MAP1S: variants seen among roughly 807,000 people sequenced by gnomAD.
MAP1S encodes the protein microtubule associated protein 1S, also known as microtubule-associated protein 1S.
MAP1S carries 27 observed loss-of-function variants against 60.9 expected under a neutral mutation model. That is an observed-to-expected ratio of 0.44 (90% CI 0.33 to 0.61). The LOEUF (loss-of-function observed/expected upper bound fraction) is 0.61. Ranked by LOEUF, MAP1S falls within the 20% of genes least tolerant of loss-of-function variation. MAP1S has a pLI of 0.03. For synonymous variants in MAP1S, 826 were observed against 694.2 expected (o/e 1.19, Z -2.98); for missense variants, 1,608 against 1,486.6 (o/e 1.08, Z -1.34).
rs773185891 is a variant in MAP1S at position 17,725,873 on chromosome 19, C to A, written c.489C>A (p.Pro163=). 1.2e-6 allele frequency: 2 copies of A among 1,613,488 alleles called. No individual in the cohort carries two copies. Among genetic ancestry groups the A allele is most frequent in the South Asian group, 2.2e-5 (2 of 91,066 alleles). ...CCACGCCCCCACCTGTGCAGCCGCC[C>A]ATACTCACCATCACCTGCCCCACCT... ...LATTPPPVQP[P]ILTITCPTFG... The change falls in exon 5 of 7, where the codon CCC becomes CCA. Residue 163 remains proline, a synonymous_variant. Coordinates refer to ENST00000324096, the MANE Select transcript of MAP1S (RefSeq NM_018174.6). The surrounding 1 kb of genome is among the most constrained non-coding windows in gnomAD (Gnocchi z 4.2).
In MAP1S at chr19:17,732,911, G is replaced by C. The variant is rs114097678; in HGVS notation, c.2789-282G>C. 6.8e-4 allele frequency: 302 copies of C among 441,644 alleles called. 1 individual carries two copies. Among genetic ancestry groups the C allele is most frequent in the African/African-American group, 5.6e-3 (277 of 49,504 alleles). 27.4% of individuals were successfully genotyped at this position (441,644 alleles called of 1,614,324 possible). On this transcript the variant is annotated intron_variant, in intron 5 of 6. Coordinates refer to ENST00000324096, the MANE Select transcript of MAP1S (RefSeq NM_018174.6). ...TGAGTGAAGAGTCACTGGAGTCAAG[G>C]CGTGGTGACATGCACCTGTAGTCCC...
chr19:17,722,285 C>T (rs938233076), intron 2 of MAP1S, among the ~76,000 whole-genome samples: 2 of 152,224 alleles, frequency 1.3e-5, no homozygotes, highest in Non-Finnish European at 2.9e-5. Flanking sequence ...AACCCTGTCC[C>T]TACTGAAAAT....
Position 17,727,571 on chromosome 19 carries a change from G to A in MAP1S, c.2187G>A (p.Ser729=), listed in dbSNP as rs776156045. Residue 729 remains serine (S), a synonymous_variant, in exon 5 of 7, where the codon TCG becomes TCA. Coordinates refer to ENST00000324096, the MANE Select transcript of MAP1S (RefSeq NM_018174.6). The surrounding 1 kb of genome is among the most constrained non-coding windows in gnomAD (Gnocchi z 4.1). Reference sequence around the variant, plus strand: ...TGCGTGGCCCCCGGGCGCGGCGCTCGGCTTCCCCACACGATGTGGACCTGT... The same window carrying A: ...TGCGTGGCCCCCGGGCGCGGCGCTCAGCTTCCCCACACGATGTGGACCTGT... The part of the protein sequence containing the change: ...LPLRGPRARR[S]ASPHDVDLCL... 5.0e-6 allele frequency: 8 copies of A among 1,606,920 alleles called. No homozygotes were observed. The highest frequency in any genetic ancestry group is 2.2e-5 in the South Asian group (2 of 91,006).
In MAP1S at chr19:17,727,103, C is replaced by T; in HGVS notation, c.1719C>T (p.Phe573=). The change falls in exon 5 of 7, where the codon TTC becomes TTT. Residue 573 remains phenylalanine, a synonymous_variant. Coordinates refer to ENST00000324096, the MANE Select transcript of MAP1S (RefSeq NM_018174.6). The surrounding 1 kb of genome is among the most constrained non-coding windows in gnomAD (Gnocchi z 4.1). ...RKAPSTSHSG[F]PPVANGPRSP... ...CGCCCAGCACGTCCCACTCTGGCTT[C>T]CCGCCGGTGGCAAATGGACCCCGCA... 2 of 1,601,200 alleles carry T rather than the reference C, an allele frequency of 1.2e-6. No homozygotes were observed. Among genetic ancestry groups the T allele is most frequent in the Non-Finnish European group, 8.5e-7 (1 of 1,176,022 alleles).
At chr19:17,721,433 T>C in intron 2 of MAP1S, 1 of 301,324 alleles carries the variant, frequency 3.3e-6, no homozygotes, top group Non-Finnish European at 6.4e-6. Flanking sequence ...TCTCAGCACT[T>C]TGGGAGGCCG....
At chr19:17,732,965 T>G in intron 5 of MAP1S, 2 of 524,422 alleles carry the variant, frequency 3.8e-6, no homozygotes, top group South Asian at 2.9e-5. Context: ...GGCAGGAGGA[T>G]CACTTGAGCC....
intron 5 of MAP1S, among the ~76,000 whole-genome samples, chr19:17,732,414 C>T (rs2080500724): frequency 6.6e-6 from 1 of 152,140 alleles, no homozygotes; most frequent in African/African-American, 2.4e-5. Context: ...GAGACCCAGC[C>T]GTATCCTTTC....
In MAP1S at chr19:17,727,004, G is replaced by A. The variant is rs2080435447; in HGVS notation, c.1620G>A (p.Glu540=). The A allele has an allele frequency of 8.2e-6, 13 of 1,581,502 alleles. No homozygotes were observed. The highest frequency in any genetic ancestry group is 1.1e-5 in the Non-Finnish European group (13 of 1,164,816). Residue 540 remains glutamate (E), a synonymous_variant, in exon 5 of 7, where the codon GAG becomes GAA. Transcript: ENST00000324096. This position sits in a 1 kb window ranked among gnomAD's most constrained non-coding sequence, Gnocchi z 4.1. ...KPSVSRTQPR[E]VRRAASSVPN... is the part of the protein sequence containing the mutation. ...GTGTCTCCCGGACCCAGCCGCGGGA[G>A]GTGCGCCGGGCAGCCTCTTCTGTGC... is the stretch of plus-strand genomic sequence containing the variant.
rs775412490 is a variant in MAP1S, at chr19:17,733,377, C to G, written c.2973C>G (p.Ala991=). The change falls in exon 6 of 7, where the codon GCC becomes GCG. Residue 991 remains alanine (A), a synonymous_variant. Transcript: ENST00000324096. ...QDQRKEEGMR[A]VLDALLASKQ... ...AGCGCAAGGAGGAAGGCATGCGGGC[C>G]GTCCTGGACGCGCTACTGGCCAGCA... 6.2e-7 allele frequency: 1 copy of G among 1,611,360 alleles called. No individual in the cohort carries two copies. Among genetic ancestry groups the G allele is most frequent in the East Asian group, 2.2e-5 (1 of 44,816 alleles).
At position 17,726,637 on chromosome 19, in the gene MAP1S, G is replaced by T; in HGVS notation, c.1253G>T (p.Trp418Leu). The T allele has an allele frequency of 6.4e-7, 1 of 1,572,998 alleles. No homozygotes were observed. ...GCCTCTGTGTGCGCCCTGCTGGTGT[G>T]GCACCCCGCCGGCCCCGGCGAGAAG... ...TLASVCALLVWHPAGPGEKVV... is the reference protein window; with the variant it reads ...TLASVCALLVLHPAGPGEKVV... The change falls in exon 5 of 7, where the codon TGG becomes TTG. Residue 418 changes from tryptophan to leucine, a missense_variant. By Grantham distance (61) the Trp-to-Leu change is moderately conservative (BLOSUM62 -2). This residue lies in a region of MAP1S where 1,167 missense variants were observed against 961.4 expected (regional missense o/e 1.21). Transcript: ENST00000324096.
At chr19:17,729,588 C>G (rs1005733963) in intron 5 of MAP1S, among the ~76,000 whole-genome samples, 11 of 152,106 alleles carry the variant, frequency 7.2e-5, no homozygotes, top group Non-Finnish European at 1.3e-4. Context: ...TCACTGCAGC[C>G]TCGACCTCCT....
rs77093026 is a variant in MAP1S at position 17,733,418 on chromosome 19, G to A, written c.3014G>A (p.Arg1005His). The A allele has an allele frequency of 5.8e-3, 9,316 of 1,599,254 alleles. 326 individuals carry two copies. In the African/African-American group the frequency reaches 0.092, roughly 16 times the overall value. The change falls in exon 6 of 7, where the codon CGT becomes CAT. Residue 1005 changes from arginine to histidine, a missense_variant. Physicochemically the swap from Arg to His is conservative, Grantham distance 29 (BLOSUM62 0). This residue lies in a region of MAP1S where 76 missense variants were observed against 110.1 expected (regional missense o/e 0.69). Transcript: ENST00000324096. ...ALLASKQHWDRDLQVTLIPTF... is the reference protein window; with the variant it reads ...ALLASKQHWDHDLQVTLIPTF... ...CTGGCCAGCAAGCAGCATTGGGACC[G>A]TGACCTGCAGGTGCGTGTCACCCCA... is the stretch of plus-strand genomic sequence containing the variant.
In MAP1S at chr19:17,727,013, G is replaced by T; in HGVS notation, c.1629G>T (p.Arg543=). The change falls in exon 5 of 7, where the codon CGG becomes CGT. Residue 543 remains arginine, a synonymous_variant. Transcript: ENST00000324096. This position sits in a 1 kb window ranked among gnomAD's most constrained non-coding sequence, Gnocchi z 4.1. ...GGACCCAGCCGCGGGAGGTGCGCCG[G>T]GCAGCCTCTTCTGTGCCCAACCTCA... The part of the protein sequence containing the change: ...VSRTQPREVR[R]AASSVPNLKK... The T allele has an allele frequency of 6.3e-7, 1 of 1,589,536 alleles. No homozygotes were observed. Among genetic ancestry groups the T allele is most frequent in the Non-Finnish European group, 8.6e-7 (1 of 1,169,088 alleles).
Position 17,726,540 on chromosome 19 carries a change from G to A in MAP1S, c.1156G>A (p.Glu386Lys), listed in dbSNP as rs1380722968. ...PVPAKPTVLF[E>K]KMGVGRLDMY... ...GCCAGCCAAACCCACCGTGCTCTTC[G>A]AGAAGATGGGCGTGGGCCGGCTGGA... Residue 386 changes from glutamate to lysine, a missense_variant, in exon 5 of 7, where the codon GAG (glutamate) becomes AAG (lysine). Coordinates refer to ENST00000324096, the MANE Select transcript of MAP1S (RefSeq NM_018174.6). The A allele has an allele frequency of 1.2e-5, 19 of 1,572,194 alleles. No homozygotes were observed. The highest frequency in any genetic ancestry group is 1.6e-5 in the Non-Finnish European group (19 of 1,163,664).
At position 17,734,320 on chromosome 19, in the gene MAP1S, C is replaced by T. The variant is rs1477138575; in HGVS notation, c.3072C>T (p.Tyr1024=). 8.7e-6 allele frequency: 14 copies of T among 1,613,862 alleles called. No homozygotes were observed. The highest frequency in any genetic ancestry group is 3.3e-5 in the Admixed American group (2 of 59,988). ...TFDSVAMHTW[Y]AETHARHQAL... ...ACTCGGTGGCCATGCATACGTGGTA[C>T]GCAGAGACGCACGCCCGGCACCAGG... Residue 1024 remains tyrosine, a synonymous_variant, in exon 7 of 7, where the codon TAC becomes TAT. Coordinates refer to ENST00000324096, the MANE Select transcript of MAP1S (RefSeq NM_018174.6).
Position 17,726,740 on chromosome 19 carries a change from G to A in MAP1S, c.1356G>A (p.Arg452=). The change falls in exon 5 of 7, where the codon AGG becomes AGA. Residue 452 remains arginine (R), a synonymous_variant. Transcript: ENST00000324096. ...LDGLVRLQHL[R]FLREPVVTPQ... ...GCCTGGTCCGCCTGCAGCACTTGAG[G>A]TTCCTGCGAGAGCCCGTGGTGACGC... 1 of 1,581,944 alleles carries A rather than the reference G, an allele frequency of 6.3e-7. No individual in the cohort carries two copies. Among genetic ancestry groups the A allele is most frequent in the Non-Finnish European group, 8.6e-7 (1 of 1,167,552 alleles).
At position 17,727,774 on chromosome 19, in the gene MAP1S, C is replaced by T. The variant is rs376422550; in HGVS notation, c.2390C>T (p.Ser797Leu). ...GAGTCCCTGCCCACCCTGTCTGACTCGGATCCCGTGCCCCTGGCCCCCGGT... is the reference window on the plus strand; with the variant it reads ...GAGTCCCTGCCCACCCTGTCTGACTTGGATCCCGTGCCCCTGGCCCCCGGT... ...VSESLPTLSDSDPVPLAPGAA... is the reference protein window; with the variant it reads ...VSESLPTLSDLDPVPLAPGAA... Residue 797 changes from serine to leucine, a missense_variant, in exon 5 of 7, where the codon TCG becomes TTG. This residue lies in a region of MAP1S where 1,167 missense variants were observed against 961.4 expected (regional missense o/e 1.21). Coordinates refer to ENST00000324096, the MANE Select transcript of MAP1S (RefSeq NM_018174.6). This position sits in a 1 kb window ranked among gnomAD's most constrained non-coding sequence, Gnocchi z 4.1. The T allele has an allele frequency of 9.9e-6, 16 of 1,610,768 alleles. No individual in the cohort carries two copies. Among genetic ancestry groups the T allele is most frequent in the African/African-American group, 6.7e-5 (5 of 74,790 alleles).
chr19:17,733,171 C>A, intron 5 of MAP1S, 22 bp from the exon 6 acceptor site: 1 of 1,490,292 alleles, frequency 6.7e-7, no homozygotes, highest in Non-Finnish European at 9.1e-7. Context: ...TCATCCCTGC[C>A]TCCCCATCCC....
Position 17,725,122 on chromosome 19 carries a change from G to C in MAP1S, c.377G>C (p.Gly126Ala). ...GCTGGGCCCTGCCTGGAGGAGACGGGGGAGCTGCTGCTACAGACAGGGGGC... is the reference window on the plus strand; with the variant it reads ...GCTGGGCCCTGCCTGGAGGAGACGGCGGAGCTGCTGCTACAGACAGGGGGC... ...VLAGPCLEET[G>A]ELLLQTGGFS... Residue 126 changes from glycine to alanine, a missense_variant, in exon 4 of 7, where the codon GGG becomes GCG. Around this residue, in one of 4 missense-constraint regions of MAP1S, gnomAD observed 320 missense variants for 393.1 expected, o/e 0.81. Transcript: ENST00000324096. The surrounding 1 kb of genome is among the most constrained non-coding windows in gnomAD (Gnocchi z 4.2). The C allele has an allele frequency of 6.2e-7, 1 of 1,614,126 alleles. No individual in the cohort carries two copies. Among genetic ancestry groups the C allele is most frequent in the Non-Finnish European group, 8.5e-7 (1 of 1,180,022 alleles).
Sources: allele counts gnomAD v4.1 joint callset (sites outside exome capture counted in the v4.1 genomes callset), GRCh38; gene constraint gnomAD v4.1.1; regional missense constraint gnomAD v4.1.1; non-coding constraint Gnocchi (gnomAD v3.1); transcripts MANE v1.5; gene names NCBI Gene and HGNC (gene_info 2026-07-23, HGNC 2026-07-21).